The following RNF216 variants were observed in gnomAD, a reference collection of about 807,000 sequenced individuals.
RNF216 encodes ring finger protein 216, also known as E3 ubiquitin-protein ligase RNF216.
A neutral mutation model predicts 110.8 loss-of-function variants in RNF216; 72 were observed. That is an observed-to-expected ratio of 0.65 (90% confidence interval 0.54 to 0.79). The LOEUF is 0.79. Ranked by LOEUF, RNF216 falls within the 30% of genes least tolerant of loss-of-function variation. The pLI, the probability that RNF216 is intolerant of heterozygous loss-of-function variation, is 0.00. For synonymous variants in RNF216, 495 were observed against 407.5 expected (o/e 1.21, Z -2.59); for missense variants, 1,342 against 1,141.2 (o/e 1.18, Z -2.54).
At chr7:5,678,540 C>G (rs1790450149) in intron 13 of RNF216, among the ~76,000 whole-genome samples, 1 of 152,232 alleles carries the variant, frequency 6.6e-6, no homozygotes, top group South Asian at 2.1e-4. Flanking sequence ...ACCATGGCTA[C>G]TTACTAAAGT....
intron 8 of RNF216, among the ~76,000 whole-genome samples, chr7:5,724,923 C>T (rs1287968140): frequency 6.6e-6 from 1 of 152,134 alleles, no homozygotes; most frequent in Non-Finnish European, 1.5e-5. Flanking sequence ...GGCTATTAGC[C>T]ATTCTCTCAG....
At chr7:5,683,223 T>C (rs910475619) in intron 13 of RNF216, among the ~76,000 whole-genome samples, 2 of 152,160 alleles carry the variant, frequency 1.3e-5, no homozygotes, top group Non-Finnish European at 2.9e-5. Context: ...GTGGAATCTA[T>C]GTAGCCCTTA....
intron 7 of RNF216, among the ~76,000 whole-genome samples, chr7:5,727,508 C>T (rs1432203071): frequency 6.6e-6 from 1 of 152,160 alleles, no homozygotes; most frequent in Non-Finnish European, 1.5e-5. Context: ...GGGAGGATAG[C>T]CTGAGGCCAG....
intron 14 of RNF216, among the ~76,000 whole-genome samples, chr7:5,646,006 C>G (rs997907804): frequency 1.3e-5 from 2 of 152,174 alleles, no homozygotes; most frequent in Admixed American, 1.3e-4. Context: ...ACAGCTGATT[C>G]AAAGCATTTG....
intron 14 of RNF216, among the ~76,000 whole-genome samples, chr7:5,649,068 T>C (rs1237508692): frequency 6.6e-6 from 1 of 152,140 alleles, no homozygotes; most frequent in Non-Finnish European, 1.5e-5. Flanking sequence ...TTGAAAACAC[T>C]ATAGCAGTTT....
At chr7:5,749,394 A>T (rs1795218210) in intron 3 of RNF216, among the ~76,000 whole-genome samples, 1 of 151,510 alleles carries the variant, frequency 6.6e-6, no homozygotes, top group Non-Finnish European at 1.5e-5. Context: ...CAAGTAATCC[A>T]CTCGCCTCGG....
intron 1 of RNF216, among the ~76,000 whole-genome samples, chr7:5,768,481 C>T (rs1280716598): frequency 6.6e-6 from 1 of 151,674 alleles, no homozygotes; most frequent in African/African-American, 2.4e-5. Flanking sequence ...CTTGACCTAA[C>T]TGACACTTTA....
chr7:5,736,921 C>T (rs1173197862), intron 5 of RNF216, among the ~76,000 whole-genome samples: 3 of 151,380 alleles, frequency 2.0e-5, no homozygotes, highest in Admixed American at 6.6e-5. Context: ...CCCCTCCGCC[C>T]GGCAGCCGCC....
intron 14 of RNF216, among the ~76,000 whole-genome samples, chr7:5,651,716 T>C (rs1788402818): frequency 6.6e-6 from 1 of 152,206 alleles, no homozygotes; most frequent in Admixed American, 6.5e-5. Flanking sequence ...TGGCGCAATC[T>C]TGGCTCACTG....
At chr7:5,641,997 C>T (rs1787759821) in intron 14 of RNF216, among the ~76,000 whole-genome samples, 1 of 141,302 alleles carries the variant, frequency 7.1e-6, no homozygotes, top group Non-Finnish European at 1.5e-5. Context: ...CGTGTCACTG[C>T]ACCCCAGCCT....
At chr7:5,679,184 C>A (rs1230381075) in intron 13 of RNF216, among the ~76,000 whole-genome samples, 1 of 150,622 alleles carries the variant, frequency 6.6e-6, no homozygotes, top group Non-Finnish European at 1.5e-5. Flanking sequence ...CTGTCACCCT[C>A]GGGTAGGGGT....
chr7:5,639,510 CT>C (rs1472647657), intron 15 of RNF216, among the ~76,000 whole-genome samples: 1 of 152,070 alleles, frequency 6.6e-6, no homozygotes, highest in African/African-American at 2.4e-5. Flanking sequence ...GTCACCCAGG[CT>C]GGAGTATAGT....
chr7:5,648,120 T>TTC (rs58472634), intron 14 of RNF216, among the ~76,000 whole-genome samples: 2 of 151,812 alleles, frequency 1.3e-5, no homozygotes, highest in Admixed American at 1.3e-4. Flanking sequence ...TTTTTTTTTT[T>TTC]CTTGAGATGG....
At chr7:5,691,364 TCTGGCTGGATTGCTC>T (rs1156762342) in intron 13 of RNF216, among the ~76,000 whole-genome samples, 45 of 152,340 alleles carry the variant, frequency 3.0e-4, no homozygotes, top group Non-Finnish European at 4.0e-4. Context: ...GTGTTCCTGT[TCTGGCTGGATTGCTC>T]CTGGCTGGAT....
intron 15 of RNF216, among the ~76,000 whole-genome samples, chr7:5,626,670 TAA>T (rs71547783): frequency 4.6e-4 from 65 of 140,772 alleles, no homozygotes; most frequent in Admixed American, 5.7e-4. Context: ...AAACTTGTGT[TAA>T]AAAAAAAAAA....
chr7:5,739,329 T>C lies in RNF216; in HGVS notation c.1068A>G (p.Ala356=), dbSNP rs761732700. 1 of 1,599,086 alleles carries C rather than the reference T, an allele frequency of 6.3e-7. No individual in the cohort carries two copies. The highest frequency in any genetic ancestry group is 8.5e-7 in the Non-Finnish European group (1 of 1,175,378). Residue 356 remains alanine (A), a synonymous_variant, in exon 5 of 17, where the codon GCA becomes GCG. Coordinates refer to ENST00000389902, the MANE Select transcript of RNF216 (RefSeq NM_207111.4). The part of the protein sequence containing the change: ...KETEARFPDV[A]NGFIEEIIHF... ...GAATTATTTCCTCAATAAACCCATT[T>C]GCTACATCTGGAAATCTTGCTTCCT...
intron 14 of RNF216, among the ~76,000 whole-genome samples, chr7:5,643,762 A>C (rs1787884816): frequency 6.6e-6 from 1 of 152,208 alleles, no homozygotes; most frequent in Non-Finnish European, 1.5e-5. Flanking sequence ...TTATACAATC[A>C]ACATCACTAT....
chr7:5,624,010 G>C lies in RNF216; in HGVS notation c.2452+46C>G, dbSNP rs756339470. 6.5e-7 allele frequency: 1 copy of C among 1,548,466 alleles called. No individual in the cohort carries two copies. Among genetic ancestry groups the C allele is most frequent in the Admixed American group, 1.7e-5 (1 of 58,196 alleles). ...CAGGGAGGCCAGCAGAAGCCTGCAT[G>C]GCCTGGCTGCTGCTCTGTCCTGGGG... is the stretch of plus-strand genomic sequence containing the variant. On this transcript the variant is annotated intron_variant, in intron 16 of 16. Coordinates refer to ENST00000389902, the MANE Select transcript of RNF216 (RefSeq NM_207111.4). This position sits in a 1 kb window ranked among gnomAD's most constrained non-coding sequence, Gnocchi z 4.4.
intron 3 of RNF216, among the ~76,000 whole-genome samples, chr7:5,745,098 A>C (rs1012067458): frequency 1.3e-5 from 2 of 152,236 alleles, no homozygotes; most frequent in African/African-American, 4.8e-5. Flanking sequence ...TCCACCTGTA[A>C]GATCTACGGA....
Sources: gnomAD v4.1 joint callset for allele counts (sites outside exome capture counted in the v4.1 genomes callset) on GRCh38, gnomAD v4.1.1 for gene constraint, Gnocchi (gnomAD v3.1) non-coding constraint, MANE v1.5 for transcripts, NCBI Gene and HGNC (gene_info 2026-07-23, HGNC 2026-07-21) for gene names.